NPHP4: variants seen among roughly 807,000 people sequenced by gnomAD.
NPHP4 encodes nephrocystin 4, also known as nephrocystin-4.
Under a neutral mutation model 155.8 loss-of-function variants are expected in NPHP4, and 151 were observed. That is an observed-to-expected ratio of 0.97 (90% CI 0.85 to 1.11). The LOEUF (loss-of-function observed/expected upper bound fraction) is 1.11. Among genes scored for constraint, NPHP4 ranks in the 50% least tolerant of loss-of-function variants. The pLI, the probability that NPHP4 is intolerant of heterozygous loss-of-function variation, is 0.00. For missense variants in NPHP4, 1,956 were observed against 1,925.7 expected (o/e 1.02, Z -0.29); for synonymous variants, 845 against 816.8 (o/e 1.03, Z -0.59).
At chr1:5,906,765 T>G (rs545651403) in intron 13 of NPHP4, among the ~76,000 whole-genome samples, 36 of 152,266 alleles carry the variant, frequency 2.4e-4, no homozygotes, top group African/African-American at 7.5e-4. Flanking sequence ...GGTCCTGGGG[T>G]GCTGGGTGCC....
chr1:5,896,650 C>T (rs560135660), intron 16 of NPHP4, among the ~76,000 whole-genome samples: 88 of 152,274 alleles, frequency 5.8e-4, no homozygotes, highest in African/African-American at 2.1e-3. Flanking sequence ...TCAACATGAA[C>T]TCACATTTTA....
At chr1:5,906,086 C>T (rs546515116) in intron 13 of NPHP4, among the ~76,000 whole-genome samples, 1 of 152,284 alleles carries the variant, frequency 6.6e-6, no homozygotes, top group African/African-American at 2.4e-5. Context: ...AGTTGAGAAG[C>T]GGTGAGGAGG....
chr1:5,866,509 C>T (rs932400676), intron 25 of NPHP4, 51 bp from the exon 26 acceptor site: 1 of 1,086,450 alleles, frequency 9.2e-7, no homozygotes, highest in Non-Finnish European at 1.4e-6. Flanking sequence ...CTGCCGACCC[C>T]AGCCTGGCCC....
At chr1:5,896,172 T>C (rs904414119) in intron 16 of NPHP4, among the ~76,000 whole-genome samples, 1 of 152,120 alleles carries the variant, frequency 6.6e-6, no homozygotes, top group Non-Finnish European at 1.5e-5. Flanking sequence ...GTTACTGTTG[T>C]TAGGAGGCTG....
At chr1:5,870,736 G>A (rs958174596) in intron 23 of NPHP4, among the ~76,000 whole-genome samples, 2 of 152,238 alleles carry the variant, frequency 1.3e-5, no homozygotes, top group African/African-American at 4.8e-5. Flanking sequence ...GATGTTCGTA[G>A]AGGACACGGC....
rs1644036923 is a variant in NPHP4 at position 5,890,025 on chromosome 1, C to T, written c.2304+843G>A. ...AACTCCCATACCCCATCCCCCCACC[C>T]CGAGAGCACAGCGCAGCTGAAGGAG... On this transcript the variant is annotated intron_variant, in intron 17 of 29. Coordinates refer to ENST00000378156, the MANE Select transcript of NPHP4 (RefSeq NM_015102.5). This position sits in a 1 kb window ranked among gnomAD's most constrained non-coding sequence, Gnocchi z 4.9. 6.6e-6 allele frequency among the ~76,000 whole-genome samples: 1 copy of T among 152,298 alleles called. No individual in the cohort carries two copies. Among genetic ancestry groups the T allele is most frequent in the Middle Eastern group, 3.4e-3 (1 of 294 alleles).
chr1:5,982,418 G>C (rs1376119347), intron 2 of NPHP4, among the ~76,000 whole-genome samples: 3 of 152,194 alleles, frequency 2.0e-5, no homozygotes, highest in Admixed American at 6.5e-5. Context: ...CTAGGTGTGA[G>C]GCAGGCTCTA....
intron 19 of NPHP4, among the ~76,000 whole-genome samples, chr1:5,879,813 G>A (rs202056619): frequency 8.6e-4 from 70 of 81,554 alleles, no homozygotes; most frequent in Middle Eastern, 0.016. Flanking sequence ...ACACACACAC[G>A]CAAACACACA....
chr1:5,887,595 TAAGAC>T, intron 17 of NPHP4, 129 bp from the exon 18 acceptor site: 1 of 941,500 alleles, frequency 1.1e-6, no homozygotes, highest in Non-Finnish European at 1.6e-6. Context: ...GTGCGCAGGA[TAAGAC>T]CCTGCACCAC....
chr1:5,877,731 G>A (rs1033354738), intron 19 of NPHP4, among the ~76,000 whole-genome samples: 71 of 152,168 alleles, frequency 4.7e-4, no homozygotes, highest in Non-Finnish European at 8.8e-5. Context: ...TTCAGTGAGT[G>A]GGGGGCAGGC....
At chr1:5,967,064 C>T (rs776410039) in intron 5 of NPHP4, among the ~76,000 whole-genome samples, 1 of 152,224 alleles carries the variant, frequency 6.6e-6, no homozygotes, top group Admixed American at 6.5e-5. Context: ...CTCTCACAGG[C>T]GCTCCCGTGC....
At chr1:5,936,990 G>A (rs1646574913) in intron 9 of NPHP4, among the ~76,000 whole-genome samples, 1 of 152,232 alleles carries the variant, frequency 6.6e-6, no homozygotes, top group Non-Finnish European at 1.5e-5. Context: ...ACACAGAGAA[G>A]AGGCCACATG....
intron 9 of NPHP4, among the ~76,000 whole-genome samples, chr1:5,945,915 G>T (rs757827640): frequency 3.3e-5 from 5 of 152,114 alleles, no homozygotes; most frequent in Non-Finnish European, 7.4e-5. Flanking sequence ...CCCCCCCAGG[G>T]CGTGAATCAT....
rs56143977 is a variant in NPHP4 at position 5,889,829 on chromosome 1, C to T, written c.2304+1039G>A. On this transcript the variant is annotated intron_variant, in intron 17 of 29. Coordinates refer to ENST00000378156, the MANE Select transcript of NPHP4 (RefSeq NM_015102.5). The surrounding 1 kb of genome is among the most constrained non-coding windows in gnomAD (Gnocchi z 4.2). The stretch of plus-strand genomic sequence containing the variant: ...GCATGAGAAGAGCAGCCAAGCCCTG[C>T]GGAGTCCCTGCCACCTGCAGACCCC... Among the ~76,000 whole-genome samples, 3 of 152,088 alleles carry T rather than the reference C, an allele frequency of 2.0e-5. No homozygotes were observed. Among genetic ancestry groups the T allele is most frequent in the African/African-American group, 4.8e-5 (2 of 41,396 alleles).
chr1:5,951,347 A>G (rs1313231752), intron 7 of NPHP4, among the ~76,000 whole-genome samples: 1 of 152,224 alleles, frequency 6.6e-6, no homozygotes, highest in Non-Finnish European at 1.5e-5. Context: ...TGTTACCCAC[A>G]CCAGTCTCTT....
chr1:5,961,673 C>T (rs980042037), intron 6 of NPHP4, 121 bp downstream of exon 6: 1 of 876,350 alleles, frequency 1.1e-6, no homozygotes, highest in Non-Finnish European at 1.8e-6. Context: ...GGCCGTGCTG[C>T]TGAGCTGCAG....
At chr1:5,947,634 T>C (rs1647180514) in intron 8 of NPHP4, among the ~76,000 whole-genome samples, 1 of 152,222 alleles carries the variant, frequency 6.6e-6, no homozygotes, top group African/African-American at 2.4e-5. Context: ...ACACCTGGCC[T>C]CTGCCTGGCA....
chr1:5,967,975 T>C (rs1009050089), intron 4 of NPHP4, among the ~76,000 whole-genome samples: 2 of 151,962 alleles, frequency 1.3e-5, no homozygotes, highest in Admixed American at 6.6e-5. Flanking sequence ...CGCCAGCCTA[T>C]CCACCCGTAT....
At chr1:5,962,341 G>C (rs868121477) in intron 5 of NPHP4, among the ~76,000 whole-genome samples, 3 of 151,978 alleles carry the variant, frequency 2.0e-5, no homozygotes, top group Non-Finnish European at 4.4e-5. Context: ...CACCATGCCC[G>C]GCCTGGAGGT....
Sources: allele counts gnomAD v4.1 joint callset (sites outside exome capture counted in the v4.1 genomes callset), GRCh38; gene constraint gnomAD v4.1.1; non-coding constraint Gnocchi (gnomAD v3.1); transcripts MANE v1.5; gene names NCBI Gene and HGNC (gene_info 2026-07-23, HGNC 2026-07-21).